The following IQCM variants were observed in gnomAD, a reference collection of about 807,000 sequenced individuals.
IQCM encodes IQ domain-containing protein M.
Under a neutral mutation model 57.6 loss-of-function variants are expected in IQCM, and 45 were observed. The ratio of observed to expected loss-of-function variants is 0.78; its 90% CI spans 0.62 to 1.00. The LOEUF (loss-of-function observed/expected upper bound fraction) is 1.00. IQCM is among the 50% of genes least tolerant of loss of function. The pLI is 0.00. For missense variants in IQCM, 468 were observed against 511.6 expected (o/e 0.91, Z 0.82); for synonymous variants, 148 against 158.9 (o/e 0.93, Z 0.51).
intron 8 of IQCM, among the ~76,000 whole-genome samples, chr4:149,614,898 C>T (rs956649521): frequency 3.3e-5 from 5 of 152,186 alleles, no homozygotes; most frequent in East Asian, 3.9e-4. Flanking sequence ...ACCTTCCTGA[C>T]TCTTAGGACC....
chr4:149,644,347 A>AAT (rs1245973022), intron 7 of IQCM, among the ~76,000 whole-genome samples: 4 of 152,162 alleles, frequency 2.6e-5, no homozygotes, highest in Non-Finnish European at 5.9e-5. Context: ...TTTTCTTGTA[A>AAT]ATATTTGCCT....
intron 5 of IQCM, among the ~76,000 whole-genome samples, chr4:149,692,585 G>C (rs1229865077): frequency 6.6e-6 from 1 of 152,016 alleles, no homozygotes; most frequent in Non-Finnish European, 1.5e-5. Flanking sequence ...AGTCATATTA[G>C]GACTGCATCC....
intron 5 of IQCM, among the ~76,000 whole-genome samples, chr4:149,689,742 C>A (rs533263402): frequency 1.3e-5 from 2 of 151,898 alleles, no homozygotes; most frequent in Non-Finnish European, 2.9e-5. Flanking sequence ...GAAAAAAATA[C>A]AAAATCCCAT....
rs115728944 is a variant in IQCM at position 149,588,066 on chromosome 4, C to A, written c.682-69G>T. Reference sequence around the variant, plus strand: ...GTTATCACCTATAAAATTTTAATTCCATTGACGTTCTGTTATATTATCAAA... The same window carrying A: ...GTTATCACCTATAAAATTTTAATTCAATTGACGTTCTGTTATATTATCAAA... On this transcript the variant is annotated intron_variant, in intron 8 of 13. Coordinates refer to ENST00000636793, the MANE Select transcript of IQCM (RefSeq NM_001363507.2). The A allele has an allele frequency of 4.9e-4, 276 of 568,440 alleles. 1 individual carries two copies. The highest frequency in any genetic ancestry group is 4.5e-3 in the African/African-American group (230 of 51,410). The allele number at this position is 568,440 out of a possible 1,614,324, so 35.2% of individuals were successfully genotyped here.
intron 13 of IQCM, among the ~76,000 whole-genome samples, chr4:149,373,100 G>C (rs778894528): frequency 1.2e-4 from 18 of 152,128 alleles, no homozygotes; most frequent in South Asian, 4.1e-4. Flanking sequence ...GAAAGCAAAT[G>C]AAGTAACTAA....
chr4:149,481,715 T>TTTTTGTTTTTTGTTTTTTG (rs1579211408), intron 12 of IQCM, among the ~76,000 whole-genome samples: 6 of 138,396 alleles, frequency 4.3e-5, no homozygotes, highest in Non-Finnish European at 1.6e-5. Flanking sequence ...TTTTTTTTTT[T>TTTTTGTTTTTTGTTTTTTG]TTTTTTTGCT....
rs1003018149 is a variant in IQCM, at chr4:149,755,920, G to A, written c.-48-13181C>T. ...CCCCTCCCTGCCTGCTAGAATGGAGGTGACTCTAGGACACCATTGGTACCA... is the reference window on the plus strand; with the variant it reads ...CCCCTCCCTGCCTGCTAGAATGGAGATGACTCTAGGACACCATTGGTACCA... On this transcript the variant is annotated intron_variant, in intron 2 of 13. Transcript: ENST00000636793. Among the ~76,000 whole-genome samples, 7 of 152,142 alleles carry A rather than the reference G, an allele frequency of 4.6e-5. No individual in the cohort carries two copies. The East Asian group carries it at 1.3e-3, about 29-fold the overall frequency.
At chr4:149,764,355 C>A (rs1043438144) in intron 2 of IQCM, among the ~76,000 whole-genome samples, 1 of 152,168 alleles carries the variant, frequency 6.6e-6, no homozygotes, top group Non-Finnish European at 1.5e-5. Flanking sequence ...CTGACAAGTC[C>A]TCACTAGCCT....
intron 12 of IQCM, among the ~76,000 whole-genome samples, chr4:149,527,925 G>A (rs1039438592): frequency 1.3e-5 from 2 of 151,510 alleles, no homozygotes; most frequent in Non-Finnish European, 2.9e-5. Context: ...TAGTCATCTT[G>A]TACATAATAG....
intron 7 of IQCM, among the ~76,000 whole-genome samples, chr4:149,624,271 G>A (rs1355272642): frequency 6.6e-6 from 1 of 151,996 alleles, no homozygotes; most frequent in Non-Finnish European, 1.5e-5. Flanking sequence ...GAATCCAACT[G>A]AAATAAATAC....
intron 12 of IQCM, among the ~76,000 whole-genome samples, chr4:149,500,482 A>G (rs1560919796): frequency 6.6e-6 from 1 of 152,202 alleles, no homozygotes; most frequent in Non-Finnish European, 1.5e-5. Flanking sequence ...AGATTACTGA[A>G]ATAGAGATGG....
At chr4:149,691,642 G>C (rs1183068286) in intron 5 of IQCM, 2 of 152,100 alleles carry the variant, frequency 1.3e-5, no homozygotes, top group Non-Finnish European at 2.9e-5. Context: ...TTAGGATTTA[G>C]TGAAATTTTT....
At chr4:149,695,424 C>T (rs1010545392) in intron 5 of IQCM, among the ~76,000 whole-genome samples, 1 of 151,884 alleles carries the variant, frequency 6.6e-6, no homozygotes, top group East Asian at 1.9e-4. Context: ...TGAAATGTAC[C>T]CTTCAGCTTT....
At chr4:149,666,685 T>C (rs1026071341) in intron 7 of IQCM, among the ~76,000 whole-genome samples, 1 of 152,130 alleles carries the variant, frequency 6.6e-6, no homozygotes, top group African/African-American at 2.4e-5. Flanking sequence ...TGGCTTGAAA[T>C]TCTCGCTGTC....
At chr4:149,357,853 C>A (rs528281998) in intron 13 of IQCM, among the ~76,000 whole-genome samples, 3 of 152,108 alleles carry the variant, frequency 2.0e-5, no homozygotes, top group African/African-American at 7.2e-5. Context: ...TGGTAGAATT[C>A]GGCTGTGAAT....
At chr4:149,714,662 A>G (rs1764846181) in intron 5 of IQCM, among the ~76,000 whole-genome samples, 1 of 152,226 alleles carries the variant, frequency 6.6e-6, no homozygotes, top group Non-Finnish European at 1.5e-5. Flanking sequence ...TTTACACATT[A>G]GGCACAGTAA....
At chr4:149,468,368 T>C (rs1739104804) in intron 12 of IQCM, among the ~76,000 whole-genome samples, 1 of 152,162 alleles carries the variant, frequency 6.6e-6, no homozygotes, top group South Asian at 2.1e-4. Flanking sequence ...CCACGGAGCC[T>C]TGCTCACTGC....
intron 12 of IQCM, among the ~76,000 whole-genome samples, chr4:149,528,520 T>G (rs534540738): frequency 2.0e-5 from 3 of 152,300 alleles, no homozygotes; most frequent in Admixed American, 2.0e-4. Context: ...TCTGAAAAGA[T>G]GAGGTAAAAT....
At chr4:149,601,453 G>T (rs1754287842) in intron 8 of IQCM, among the ~76,000 whole-genome samples, 1 of 152,150 alleles carries the variant, frequency 6.6e-6, no homozygotes, top group South Asian at 2.1e-4. Flanking sequence ...GTTCAGTACA[G>T]ATGCAATTTA....
Sources: allele counts gnomAD v4.1 joint callset (sites outside exome capture counted in the v4.1 genomes callset), GRCh38; gene constraint gnomAD v4.1.1; transcripts MANE v1.5; gene names NCBI Gene and HGNC (gene_info 2026-07-23, HGNC 2026-07-21).